PPP3CA: variants seen among roughly 807,000 people sequenced by gnomAD.
PPP3CA encodes the protein protein phosphatase 3 catalytic subunit alpha, also known as CAM-PRP catalytic subunit.
A neutral mutation model predicts 66.5 loss-of-function variants in PPP3CA; 14 were observed. The observed-to-expected ratio is 0.21, with a 90% CI of 0.14 to 0.33. The LOEUF is 0.33. PPP3CA is among the 10% of genes least tolerant of loss of function. PPP3CA has a pLI of 1.00. For missense variants in PPP3CA, 317 were observed against 639.5 expected (o/e 0.50, Z 5.44); for synonymous variants, 232 against 226.2 (o/e 1.03, Z -0.23).
At chr4:101,312,934 A>G (rs1728773044) in intron 1 of PPP3CA, among the ~76,000 whole-genome samples, 1 of 152,160 alleles carries the variant, frequency 6.6e-6, no homozygotes, top group South Asian at 2.1e-4. Flanking sequence ...AATACATAAA[A>G]AGCACTTTAA....
intron 1 of PPP3CA, among the ~76,000 whole-genome samples, chr4:101,253,294 T>G (rs1035679903): frequency 6.6e-6 from 1 of 152,112 alleles, no homozygotes; most frequent in Non-Finnish European, 1.5e-5. Context: ...TCTTACAAAT[T>G]ATATGTGAGA....
In PPP3CA at chr4:101,131,277, T is replaced by TAAAA. The variant is rs1553927202; in HGVS notation, c.260-22203_260-22200dup. Among the ~76,000 whole-genome samples, 469 of 140,316 alleles carry TAAAA rather than the reference T, an allele frequency of 3.3e-3. 5 individuals are homozygous for TAAAA. Among genetic ancestry groups the TAAAA allele is most frequent in the African/African-American group, 0.012 (442 of 37,478 alleles). The allele number at this position is 140,316 out of a possible 152,430, so 92.1% of individuals were successfully genotyped here. On this transcript the variant is annotated intron_variant, in intron 2 of 13. Transcript: ENST00000394854. Reference sequence around the variant, plus strand: ...ATAAATAAATAAATAAATAAATAAATAAAATAAAAAGGCACAGACTGGCAA... The same window carrying TAAAA: ...ATAAATAAATAAATAAATAAATAAATAAAAAAAATAAAAAGGCACAGACTGGCAA...
chr4:101,175,669 T>G (rs2110319206), intron 2 of PPP3CA, among the ~76,000 whole-genome samples: 1 of 152,290 alleles, frequency 6.6e-6, no homozygotes, highest in Admixed American at 6.5e-5. Context: ...TTAAAAGATG[T>G]GTATGCCTGA....
chr4:101,111,220 G>A (rs769401852), intron 2 of PPP3CA, among the ~76,000 whole-genome samples: 3 of 152,098 alleles, frequency 2.0e-5, no homozygotes, highest in African/African-American at 4.8e-5. Context: ...AAAATATATG[G>A]CTGGAAACCA....
rs953244795 is a variant in PPP3CA at position 101,347,276 on chromosome 4, C to T, written c.-480G>A. ...AGAGGCAGGGCCGCCGATGTCAGTG[C>T]CACCAGCCGCACCTTGGCGTCCCCG... On this transcript the variant is annotated 5_prime_UTR_variant, in exon 1 of 14. Coordinates refer to ENST00000394854, the MANE Select transcript of PPP3CA (RefSeq NM_000944.5). 12 of 210,498 alleles carry T rather than the reference C, an allele frequency of 5.7e-5. No individual in the cohort carries two copies. In the East Asian group the frequency reaches 1.7e-3, roughly 29 times the overall value. 13.0% of individuals were successfully genotyped at this position (210,498 alleles called of 1,614,324 possible). A position where few individuals can be genotyped will look rare whatever the true frequency, so the allele number is the denominator to read the frequency against.
At chr4:101,127,886 T>A (rs550901784) in intron 2 of PPP3CA, among the ~76,000 whole-genome samples, 1 of 152,206 alleles carries the variant, frequency 6.6e-6, no homozygotes, top group South Asian at 2.1e-4. Flanking sequence ...ATTTCCCAGA[T>A]GGAGAATTGA....
chr4:101,192,108 G>T (rs1290228866), intron 2 of PPP3CA, among the ~76,000 whole-genome samples: 1 of 152,164 alleles, frequency 6.6e-6, no homozygotes, highest in Non-Finnish European at 1.5e-5. Context: ...GAGAACTTCA[G>T]GGAGAAATGT....
In PPP3CA at chr4:101,118,579, A is replaced by C. The variant is rs564784345; in HGVS notation, c.260-9501T>G. Among the ~76,000 whole-genome samples the C allele has an allele frequency of 7.2e-5, 11 of 152,008 alleles. No homozygotes were observed. In the East Asian group the frequency reaches 1.7e-3, roughly 24 times the overall value. ...CTGTTAGTTTCTGGTTTTTATGTGT[A>C]TTCCTCCTGTTTGACCTTAGTCAAT... On this transcript the variant is annotated intron_variant, in intron 2 of 13. Transcript: ENST00000394854.
intron 12 of PPP3CA, among the ~76,000 whole-genome samples, chr4:101,031,956 G>C (rs917697240): frequency 3.3e-5 from 5 of 152,168 alleles, no homozygotes; most frequent in Admixed American, 6.5e-5. Context: ...CAACGGAGTG[G>C]CTCAAAGTAG....
intron 11 of PPP3CA, among the ~76,000 whole-genome samples, chr4:101,038,391 A>G (rs1007457443): frequency 1.4e-5 from 2 of 145,410 alleles, no homozygotes; most frequent in African/African-American, 5.1e-5. Context: ...TTTTTTTGAG[A>G]TGGAGTCTTG....
chr4:101,118,017 C>A (rs1455483801), intron 2 of PPP3CA, among the ~76,000 whole-genome samples: 1 of 151,956 alleles, frequency 6.6e-6, no homozygotes, highest in Non-Finnish European at 1.5e-5. Context: ...GATTAACTCC[C>A]TCTAGGACCC....
intron 1 of PPP3CA, among the ~76,000 whole-genome samples, chr4:101,222,441 G>GT (rs1367146651): frequency 6.6e-6 from 1 of 151,404 alleles, no homozygotes; most frequent in South Asian, 2.1e-4. Flanking sequence ...TTTAGCCATT[G>GT]TTTTTTTCCA....
chr4:101,080,690 A>G, intron 7 of PPP3CA, 64 bp from the exon 8 acceptor site: 2 of 1,000,376 alleles, frequency 2.0e-6, no homozygotes, highest in East Asian at 5.2e-5. Context: ...CAAATCATAG[A>G]TTGAGAAATA....
Position 101,346,872 on chromosome 4 carries a change from ACT to A in PPP3CA, c.-78_-77del. The A allele has an allele frequency of 7.2e-7, 1 of 1,394,558 alleles. No individual in the cohort carries two copies. Among genetic ancestry groups the A allele is most frequent in the South Asian group, 1.3e-5 (1 of 78,900 alleles). 86.4% of individuals were successfully genotyped at this position (1,394,558 alleles called of 1,614,324 possible). On this transcript the variant is annotated 5_prime_UTR_variant, in exon 1 of 14. Transcript: ENST00000394854. ...CCCCGACCGGACCGGCGGGCCAGAC[ACT>A]CAACGCCGCCGCCGCCGCCGCCGCC...
At chr4:101,095,712 C>T (rs1730164893) in intron 5 of PPP3CA, among the ~76,000 whole-genome samples, 1 of 152,126 alleles carries the variant, frequency 6.6e-6, no homozygotes, top group Non-Finnish European at 1.5e-5. Flanking sequence ...AGTGCAGTGG[C>T]ACGATCTCGG....
chr4:101,091,082 A>G (rs1729916653), intron 6 of PPP3CA, among the ~76,000 whole-genome samples: 1 of 152,146 alleles, frequency 6.6e-6, no homozygotes, highest in African/African-American at 2.4e-5. Context: ...TGATTTGAAC[A>G]GCTGACACGA....
intron 1 of PPP3CA, among the ~76,000 whole-genome samples, chr4:101,277,356 T>C (rs1046163099): frequency 8.5e-5 from 13 of 152,208 alleles, no homozygotes; most frequent in African/African-American, 2.7e-4. Flanking sequence ...GCTGTGGACA[T>C]TTGTGTACGG....
intron 1 of PPP3CA, among the ~76,000 whole-genome samples, chr4:101,291,645 C>G (rs529587183): frequency 6.6e-6 from 1 of 152,278 alleles, no homozygotes; most frequent in Admixed American, 6.5e-5. Context: ...TCCTTGTTCT[C>G]CAGGACATTT....
At chr4:101,133,113 G>A (rs1207150809) in intron 2 of PPP3CA, among the ~76,000 whole-genome samples, 1 of 152,096 alleles carries the variant, frequency 6.6e-6, no homozygotes, top group Admixed American at 6.6e-5. Context: ...AGTAATAAGA[G>A]CTGTTTATGG....
Sources: gnomAD v4.1 joint callset for allele counts (sites outside exome capture counted in the v4.1 genomes callset) on GRCh38, gnomAD v4.1.1 for gene constraint, MANE v1.5 for transcripts, NCBI Gene and HGNC (gene_info 2026-07-23, HGNC 2026-07-21) for gene names.